PSMF1: variants seen among roughly 807,000 people sequenced by gnomAD.
PSMF1 encodes the protein proteasome inhibitor subunit 1, also known as proteasome inhibitor PI31 subunit.
A neutral mutation model predicts 29.3 loss-of-function variants in PSMF1; 30 were observed. That is an observed-to-expected ratio of 1.02 (90% CI 0.77 to 1.39). The LOEUF (loss-of-function observed/expected upper bound fraction) is 1.39, where lower values mean the gene tolerates loss of function less well. Among genes scored for constraint, PSMF1 ranks in the 40% most tolerant of loss-of-function variants. The probability of loss-of-function intolerance (pLI) is 0.00; values close to 1 mark genes in which losing one functional copy is unlikely to be tolerated. For missense variants in PSMF1, 344 were observed against 357.5 expected (o/e 0.96, Z 0.31); for synonymous variants, 134 against 139.7 (o/e 0.96, Z 0.29).
chr20:1,117,843 C>T (rs6074148), upstream of PSMF1: 93,821 of 152,106 alleles, frequency 0.62, 30,238 homozygotes, highest in South Asian at 0.72. Flanking sequence ...TTTCATGAAA[C>T]TTGTTGAAGT....
At chr20:1,161,570 G>A (rs1001457996) in intron 4 of PSMF1, 5 of 618,460 alleles carry the variant, frequency 8.1e-6, no homozygotes, top group Non-Finnish European at 1.2e-5. Context: ...CGTGCTCCCA[G>A]AGCGCAAGTA....
intron 1 of PSMF1, 131 bp from the exon 2 acceptor site, chr20:1,125,367 A>G: frequency 1.0e-6 from 1 of 999,130 alleles, no homozygotes. Context: ...ATCTTGGGCA[A>G]GTCATTTCTC....
In PSMF1 at chr20:1,165,720, G is replaced by A. The variant is rs1407353345; in HGVS notation, c.*640G>A. The A allele has an allele frequency of 3.0e-6, 3 of 1,005,770 alleles. No homozygotes were observed. Among genetic ancestry groups the A allele is most frequent in the Middle Eastern group, 5.1e-4 (1 of 1,962 alleles). 62.3% of individuals were successfully genotyped at this position (1,005,770 alleles called of 1,614,324 possible). On this transcript the variant is annotated 3_prime_UTR_variant, in exon 7 of 7. Transcript: ENST00000335877. Reference sequence around the variant, plus strand: ...ACAAGAATGACTTTCACAAGGGCAGGAACATTGTGGAAAGACTGCATCATT... The same window carrying A: ...ACAAGAATGACTTTCACAAGGGCAGAAACATTGTGGAAAGACTGCATCATT...
At chr20:1,138,683 G>C (rs1254086928) in intron 4 of PSMF1, among the ~76,000 whole-genome samples, 3 of 151,958 alleles carry the variant, frequency 2.0e-5, no homozygotes, top group Non-Finnish European at 4.4e-5. Flanking sequence ...AAATTAGCCA[G>C]GCTTGATGGC....
At chr20:1,134,527 G>A (rs2086276863) in intron 3 of PSMF1, among the ~76,000 whole-genome samples, 1 of 152,126 alleles carries the variant, frequency 6.6e-6, no homozygotes, top group South Asian at 2.1e-4. Context: ...GAAGCCTGGA[G>A]TCCTGCCCAC....
At chr20:1,121,298 C>T (rs2086084042) in intron 1 of PSMF1, among the ~76,000 whole-genome samples, 1 of 152,086 alleles carries the variant, frequency 6.6e-6, no homozygotes, top group South Asian at 2.1e-4. Context: ...AAGGCATTGC[C>T]ACCTTTCCTC....
intron 2 of PSMF1, among the ~76,000 whole-genome samples, chr20:1,126,105 C>T (rs1348936537): frequency 2.0e-5 from 3 of 152,184 alleles, no homozygotes; most frequent in Non-Finnish European, 4.4e-5. Flanking sequence ...TTTTTGACTT[C>T]CTCAAAAATT....
chr20:1,147,375 G>A (rs1470730321), intron 4 of PSMF1, among the ~76,000 whole-genome samples: 1 of 152,204 alleles, frequency 6.6e-6, no homozygotes, highest in Non-Finnish European at 1.5e-5. Context: ...ATCTCGCTGG[G>A]AGGGTGAGCA....
chr20:1,119,855 A>G (rs367817692), intron 1 of PSMF1, among the ~76,000 whole-genome samples: 32 of 152,310 alleles, frequency 2.1e-4, no homozygotes, highest in African/African-American at 6.3e-4. Flanking sequence ...TCTCAGAACC[A>G]AGACTAGCCA....
chr20:1,148,747 G>A (rs2086488102), intron 4 of PSMF1, among the ~76,000 whole-genome samples: 1 of 152,042 alleles, frequency 6.6e-6, no homozygotes, highest in African/African-American at 2.4e-5. Flanking sequence ...GAACATCCCT[G>A]TGTATTAGGT....
At chr20:1,156,441 A>G (rs7273195) in intron 4 of PSMF1, among the ~76,000 whole-genome samples, 12,921 of 152,242 alleles carry the variant, frequency 0.085, 1,248 homozygotes, top group African/African-American at 0.23. Context: ...GGATAAACCT[A>G]AAGAATTCCA....
Position 1,163,013 on chromosome 20 carries a change from C to A in PSMF1, c.552-117C>A. 9.3e-7 allele frequency: 1 copy of A among 1,076,466 alleles called. No individual in the cohort carries two copies. The highest frequency in any genetic ancestry group is 1.4e-6 in the Non-Finnish European group (1 of 717,504). The allele number at this position is 1,076,466 out of a possible 1,614,324, so 66.7% of individuals were successfully genotyped here. A position where few individuals can be genotyped will look rare whatever the true frequency, so the allele number is the denominator to read the frequency against. On this transcript the variant is annotated intron_variant, in intron 4 of 6. Transcript: ENST00000335877. The surrounding 1 kb of genome is among the most constrained non-coding windows in gnomAD (Gnocchi z 6.1). Reference sequence around the variant, plus strand: ...AGCCAAGGACCACCCTGAAATATCCCTTGTGCTATGGTCTCATGCAAGGGT... The same window carrying A: ...AGCCAAGGACCACCCTGAAATATCCATTGTGCTATGGTCTCATGCAAGGGT...
Position 1,169,713 on chromosome 20 carries a change from C to G in PSMF1, c.*4633C>G, listed in dbSNP as rs1205653961. 1.3e-5 allele frequency among the ~76,000 whole-genome samples: 2 copies of G among 152,234 alleles called. No homozygotes were observed. Among genetic ancestry groups the G allele is most frequent in the Non-Finnish European group, 2.9e-5 (2 of 68,044 alleles). ...TGCACCAAAAAGTAGATGTCCTTCA[C>G]ACTGCCATCTGGACACCACTCAGCT... On this transcript the variant is annotated 3_prime_UTR_variant, in exon 7 of 7. Transcript: ENST00000335877.
chr20:1,139,362 A>G (rs2086351089), intron 4 of PSMF1, among the ~76,000 whole-genome samples: 1 of 152,198 alleles, frequency 6.6e-6, no homozygotes, highest in African/African-American at 2.4e-5. Context: ...TTTATATAAC[A>G]TTGTACTTGA....
rs535837348 is a variant in PSMF1 at position 1,137,407 on chromosome 20, C to T, written c.551+2101C>T. 3.2e-4 allele frequency among the ~76,000 whole-genome samples: 48 copies of T among 152,250 alleles called. 1 individual carries two copies. Among genetic ancestry groups the T allele is most frequent in the Non-Finnish European group, 2.4e-4 (16 of 68,018 alleles). On this transcript the variant is annotated intron_variant, in intron 4 of 6. Transcript: ENST00000335877. The stretch of plus-strand genomic sequence containing the variant: ...ATCTGAACCCATTGGTTAATCTTAA[C>T]GCTAAAAGTGGGATAGCCAGATACT...
chr20:1,128,971 G>T lies in PSMF1; in HGVS notation c.365+1463G>T, dbSNP rs1026074282. 2.0e-5 allele frequency among the ~76,000 whole-genome samples: 3 copies of T among 152,208 alleles called. No individual in the cohort carries two copies. In the South Asian group the frequency reaches 6.2e-4, roughly 32 times the overall value. ...GCTCACTGCAAGCTCTACCTCCCGGGTTCACGCCATTCTCCTGCCTCAGCC... is the reference window on the plus strand; with the variant it reads ...GCTCACTGCAAGCTCTACCTCCCGGTTTCACGCCATTCTCCTGCCTCAGCC... On this transcript the variant is annotated intron_variant, in intron 3 of 6. Coordinates refer to ENST00000335877, the MANE Select transcript of PSMF1 (RefSeq NM_006814.5).
chr20:1,152,818 A>C lies in PSMF1; in HGVS notation c.552-10312A>C, dbSNP rs142323998. 5.9e-3 allele frequency among the ~76,000 whole-genome samples: 895 copies of C among 152,294 alleles called. 6 individuals carry two copies. Among genetic ancestry groups the C allele is most frequent in the African/African-American group, 0.021 (859 of 41,540 alleles). On this transcript the variant is annotated intron_variant, in intron 4 of 6. Coordinates refer to ENST00000335877, the MANE Select transcript of PSMF1 (RefSeq NM_006814.5). ...ATGGGTTGGCTTAATGAAGGGAAGA[A>C]AACTCAAGGACAATGCAAGTTCTTT...
At chr20:1,130,199 A>G (rs1396712652) in intron 3 of PSMF1, among the ~76,000 whole-genome samples, 1 of 152,212 alleles carries the variant, frequency 6.6e-6, no homozygotes. Flanking sequence ...TTAGTGATTA[A>G]TGGGTACAGA....
At chr20:1,142,308 C>T (rs2317431) in intron 4 of PSMF1, among the ~76,000 whole-genome samples, 147,715 of 152,304 alleles carry the variant, frequency 0.97, 71,642 homozygotes, top group Middle Eastern at 1. Context: ...TTAGGGTACA[C>T]GTGCACAACG....
Sources: gnomAD v4.1 joint callset for allele counts (sites outside exome capture counted in the v4.1 genomes callset) on GRCh38, gnomAD v4.1.1 for gene constraint, Gnocchi (gnomAD v3.1) non-coding constraint, MANE v1.5 for transcripts, NCBI Gene and HGNC (gene_info 2026-07-23, HGNC 2026-07-21) for gene names.